Variants in TTC29 observed in about 807,000 individuals in gnomAD.
TTC29 encodes tetratricopeptide repeat protein 29.
Under a neutral mutation model 58.1 loss-of-function variants are expected in TTC29, and 49 were observed. That is an observed-to-expected ratio of 0.84 (90% confidence interval 0.67 to 1.07). The LOEUF is 1.07. TTC29 is among the 50% of genes least tolerant of loss of function. TTC29 has a pLI of 0.00. For missense variants in TTC29, 582 were observed against 555.6 expected (o/e 1.05, Z -0.48); for synonymous variants, 209 against 196.8 (o/e 1.06, Z -0.52).
chr4:146,725,335 G>A (rs1373977447), intron 11 of TTC29, among the ~76,000 whole-genome samples: 1 of 152,044 alleles, frequency 6.6e-6, no homozygotes, highest in Non-Finnish European at 1.5e-5. Context: ...AGAATTCTGA[G>A]CCAGGCTGGG....
intron 11 of TTC29, among the ~76,000 whole-genome samples, chr4:146,784,610 C>G (rs910533067): frequency 8.5e-5 from 13 of 152,144 alleles, no homozygotes; most frequent in Non-Finnish European, 1.8e-4. Context: ...CATGTGAGGA[C>G]ACAGCAAGCA....
At chr4:146,758,649 C>A (rs933221305) in intron 11 of TTC29, among the ~76,000 whole-genome samples, 2 of 152,092 alleles carry the variant, frequency 1.3e-5, no homozygotes, top group African/African-American at 2.4e-5. Context: ...CTCTCTCAGA[C>A]CACAGTGGAA....
intron 11 of TTC29, among the ~76,000 whole-genome samples, chr4:146,708,501 C>T (rs2149986637): frequency 6.7e-6 from 1 of 149,392 alleles, no homozygotes; most frequent in South Asian, 2.1e-4. Flanking sequence ...GTATATATGA[C>T]TTCATTTATC....
At chr4:146,748,187 C>A (rs772351062) in intron 11 of TTC29, among the ~76,000 whole-genome samples, 1 of 152,218 alleles carries the variant, frequency 6.6e-6, no homozygotes, top group Non-Finnish European at 1.5e-5. Flanking sequence ...GCCTCCAGAG[C>A]ATCCCTTCTT....
chr4:146,797,400 G>A (rs966656203), intron 11 of TTC29, among the ~76,000 whole-genome samples: 2 of 152,236 alleles, frequency 1.3e-5, no homozygotes, highest in South Asian at 4.1e-4. Flanking sequence ...TTCCTTCAGT[G>A]TGTAGGACTG....
intron 10 of TTC29, among the ~76,000 whole-genome samples, chr4:146,814,086 T>C (rs1052789815): frequency 6.6e-6 from 1 of 152,222 alleles, no homozygotes; most frequent in African/African-American, 2.4e-5. Context: ...AATTTATTTA[T>C]TGGTCCAAGG....
At chr4:146,760,935 A>T (rs1005024054) in intron 11 of TTC29, among the ~76,000 whole-genome samples, 8 of 151,220 alleles carry the variant, frequency 5.3e-5, no homozygotes, top group Non-Finnish European at 5.9e-5. Context: ...ATCTACAGTG[A>T]CCTGGATGAG....
chr4:146,933,059 A>G (rs1408804178), intron 4 of TTC29, among the ~76,000 whole-genome samples: 2 of 149,576 alleles, frequency 1.3e-5, no homozygotes, highest in Non-Finnish European at 3.0e-5. Flanking sequence ...CTCCGTCTCA[A>G]AAAAAAAAAA....
chr4:146,869,196 C>T (rs1345638040), intron 7 of TTC29, among the ~76,000 whole-genome samples: 1 of 151,664 alleles, frequency 6.6e-6, no homozygotes, highest in African/African-American at 2.4e-5. Context: ...AGGAAGTATC[C>T]TTAGATTTCT....
At chr4:146,753,907 G>C (rs1476167310) in intron 11 of TTC29, among the ~76,000 whole-genome samples, 1 of 152,030 alleles carries the variant, frequency 6.6e-6, no homozygotes, top group East Asian at 1.9e-4. Flanking sequence ...ACTGTTGTGG[G>C]GTGGGGGAAG....
chr4:146,903,983 C>A (rs1454346914), intron 5 of TTC29, among the ~76,000 whole-genome samples: 1 of 152,140 alleles, frequency 6.6e-6, no homozygotes, highest in East Asian at 1.9e-4. Flanking sequence ...TTGACACTAT[C>A]TGGTTGAAAC....
intron 4 of TTC29, among the ~76,000 whole-genome samples, chr4:146,934,974 G>C (rs560221245): frequency 6.6e-6 from 1 of 152,218 alleles, no homozygotes; most frequent in African/African-American, 2.4e-5. Flanking sequence ...TTTTCTTGCT[G>C]TCTTGGGTAG....
chr4:146,802,644 A>C (rs936622136), intron 11 of TTC29, among the ~76,000 whole-genome samples: 1 of 152,230 alleles, frequency 6.6e-6, no homozygotes. Flanking sequence ...ACCACAGGGG[A>C]AAACAAAGAG....
At chr4:146,738,506 A>AT (rs144612471) in intron 11 of TTC29, among the ~76,000 whole-genome samples, 7,323 of 149,030 alleles carry the variant, frequency 0.049, 576 homozygotes, top group African/African-American at 0.17. Context: ...AAGATTGCAT[A>AT]TTTTTTTTTT....
intron 6 of TTC29, among the ~76,000 whole-genome samples, chr4:146,893,346 G>C (rs1427383211): frequency 6.6e-6 from 1 of 152,024 alleles, no homozygotes; most frequent in African/African-American, 2.4e-5. Flanking sequence ...TAGACCAATG[G>C]AACAGAACAG....
chr4:146,817,160 CATG>C (rs1751466374), intron 10 of TTC29, among the ~76,000 whole-genome samples: 1 of 152,218 alleles, frequency 6.6e-6, no homozygotes, highest in South Asian at 2.1e-4. Context: ...TTGCAGACGA[CATG>C]ATTGTATACC....
chr4:146,846,768 C>T (rs903991621), intron 8 of TTC29, among the ~76,000 whole-genome samples: 5 of 152,154 alleles, frequency 3.3e-5, no homozygotes. Context: ...GCAGCAAAGC[C>T]ATCATCTATT....
intron 7 of TTC29, among the ~76,000 whole-genome samples, chr4:146,870,550 A>C (rs1730864414): frequency 1.3e-5 from 2 of 151,964 alleles, no homozygotes; most frequent in African/African-American, 4.8e-5. Flanking sequence ...CAAAACAAAA[A>C]ATGATCCTTT....
At chr4:146,809,683 T>C (rs2150126750) in intron 10 of TTC29, among the ~76,000 whole-genome samples, 1 of 150,014 alleles carries the variant, frequency 6.7e-6, no homozygotes, top group South Asian at 2.1e-4. Flanking sequence ...TTACTGGCCA[T>C]TAGAGAAATG....
Sources: gnomAD v4.1 joint callset for allele counts (sites outside exome capture counted in the v4.1 genomes callset) on GRCh38, gnomAD v4.1.1 for gene constraint, MANE v1.5 for transcripts, NCBI Gene and HGNC (gene_info 2026-07-23, HGNC 2026-07-21) for gene names.